PIK3C2G: variants seen among roughly 807,000 people sequenced by gnomAD.
PIK3C2G encodes phosphatidylinositol-4-phosphate 3-kinase catalytic subunit type 2 gamma.
A neutral mutation model predicts 181.1 loss-of-function variants in PIK3C2G; 168 were observed. The observed-to-expected ratio is 0.93, with a 90% CI of 0.82 to 1.05. PIK3C2G has a LOEUF of 1.05. PIK3C2G is among the 50% of genes least tolerant of loss of function. PIK3C2G has a pLI of 0.00. For missense variants in PIK3C2G, 1,869 were observed against 1,732.8 expected, an observed-to-expected ratio of 1.08 and a Z score of -1.40; for synonymous variants, 573 against 592.2, an observed-to-expected ratio of 0.97 and a Z score of 0.47.
intron 16 of PIK3C2G, among the ~76,000 whole-genome samples, chr12:18,414,523 A>G (rs922219197): frequency 1.1e-4 from 16 of 152,162 alleles, no homozygotes; most frequent in African/African-American, 2.9e-4. Context: ...CTTTTTTACT[A>G]TTTTTAAGGA....
intron 4 of PIK3C2G, among the ~76,000 whole-genome samples, chr12:18,292,226 AAATATATATATATATATAT>A (rs1949733498): frequency 1.0e-5 from 1 of 96,406 alleles, no homozygotes; most frequent in Admixed American, 1.3e-4. Context: ...AAAAAAAAAA[AAATATATATATATATATAT>A]ATATATATAT....
intron 1 of PIK3C2G, among the ~76,000 whole-genome samples, chr12:18,271,341 C>T (rs1004774894): frequency 1.3e-5 from 2 of 152,094 alleles, no homozygotes; most frequent in Non-Finnish European, 1.5e-5. Flanking sequence ...TCCCAGAGAA[C>T]TTCAAAGCCA....
At chr12:18,650,625 A>C (rs1289468971), downstream of PIK3C2G, among the ~76,000 whole-genome samples, 8 of 144,370 alleles carry the variant, frequency 5.5e-5, no homozygotes, top group African/African-American at 2.0e-4. Context: ...CTCACTTGAA[A>C]TACACGAAAT....
chr12:18,578,259 A>G, intron 29 of PIK3C2G, among the ~76,000 whole-genome samples: 1 of 152,168 alleles, frequency 6.6e-6, no homozygotes, highest in African/African-American at 2.4e-5. Flanking sequence ...CTATGTTGAT[A>G]TGCACCAGTG....
At chr12:18,350,645 C>A (rs1344668125) in intron 11 of PIK3C2G, among the ~76,000 whole-genome samples, 1 of 152,084 alleles carries the variant, frequency 6.6e-6, no homozygotes, top group African/African-American at 2.4e-5. Flanking sequence ...CTTGGCTCAT[C>A]GTATTAGCAC....
chr12:18,397,369 A>T (rs915106391), intron 15 of PIK3C2G, among the ~76,000 whole-genome samples: 1 of 152,058 alleles, frequency 6.6e-6, no homozygotes, highest in African/African-American at 2.4e-5. Flanking sequence ...TAGGCAAGCC[A>T]CATTCTGAGA....
intron 16 of PIK3C2G, among the ~76,000 whole-genome samples, chr12:18,401,579 C>G (rs1032258320): frequency 1.3e-5 from 2 of 152,088 alleles, no homozygotes; most frequent in Non-Finnish European, 2.9e-5. Context: ...CAAAATGTGA[C>G]AGTCACAACT....
chr12:18,457,526 T>C (rs952486149), intron 18 of PIK3C2G, among the ~76,000 whole-genome samples: 1 of 152,184 alleles, frequency 6.6e-6, no homozygotes, highest in African/African-American at 2.4e-5. Context: ...TTTTGGAATA[T>C]GTGTGTATGT....
chr12:18,699,655 A>T, the PIK3C2G span: 1 of 903,216 alleles, frequency 1.1e-6, no homozygotes, highest in Non-Finnish European at 1.8e-6. Flanking sequence ...GAGGTATGTA[A>T]CCCCATTCTA....
chr12:18,675,372 G>C, the PIK3C2G span, among the ~76,000 whole-genome samples: 2 of 152,144 alleles, frequency 1.3e-5, no homozygotes, highest in Admixed American at 1.3e-4. Context: ...TATACCAACA[G>C]ATCTTCACAT....
chr12:18,286,998 C>T, intron 3 of PIK3C2G, 69 bp downstream of exon 3: 2 of 637,610 alleles, frequency 3.1e-6, no homozygotes, highest in South Asian at 5.9e-5. Flanking sequence ...TTTGACATCA[C>T]TGAACTGATT....
chr12:18,423,915 G>A, intron 17 of PIK3C2G, 30 bp from the exon 18 acceptor site: 1 of 1,404,012 alleles, frequency 7.1e-7, no homozygotes, highest in Non-Finnish European at 1.0e-6. Context: ...TTGTTACTGA[G>A]AAGTAAAGTA....
chr12:18,592,817 CTT>C (rs1388534326), intron 29 of PIK3C2G, among the ~76,000 whole-genome samples: 1 of 151,884 alleles, frequency 6.6e-6, no homozygotes, highest in Non-Finnish European at 1.5e-5. Context: ...AGATGGGAAT[CTT>C]CTACAAGGTT....
chr12:18,308,819 CAT>C (rs1311067337), intron 5 of PIK3C2G, among the ~76,000 whole-genome samples: 3 of 151,554 alleles, frequency 2.0e-5, no homozygotes, highest in Non-Finnish European at 4.4e-5. Context: ...CGTAAATACA[CAT>C]AAAATATTTT....
intron 15 of PIK3C2G, among the ~76,000 whole-genome samples, chr12:18,393,123 C>A (rs979699479): frequency 6.6e-6 from 1 of 152,014 alleles, no homozygotes; most frequent in Non-Finnish European, 1.5e-5. Flanking sequence ...GAGGTCAAAA[C>A]CAACAAATAA....
intron 31 of PIK3C2G, among the ~76,000 whole-genome samples, chr12:18,615,371 ATGTG>A (rs754189397): frequency 0.32 from 31,107 of 97,128 alleles, 4,078 homozygotes; most frequent in East Asian, 0.55. Context: ...GTGTGTGTGT[ATGTG>A]TATATATATA....
intron 8 of PIK3C2G, among the ~76,000 whole-genome samples, chr12:18,338,019 A>C (rs1938711961): frequency 6.6e-6 from 1 of 152,114 alleles, no homozygotes; most frequent in Admixed American, 6.6e-5. Flanking sequence ...GGCCATCATA[A>C]CTTTTTCTTC....
chr12:18,265,707 T>C (rs1179704359), intron 1 of PIK3C2G, among the ~76,000 whole-genome samples: 1 of 151,998 alleles, frequency 6.6e-6, no homozygotes, highest in Admixed American at 6.6e-5. Context: ...TTTTTATGTG[T>C]TTCTGTTACA....
chr12:18,333,795 A>C (rs763145873), intron 8 of PIK3C2G, among the ~76,000 whole-genome samples: 2 of 152,198 alleles, frequency 1.3e-5, no homozygotes, highest in Non-Finnish European at 2.9e-5. Flanking sequence ...GTCTAATATA[A>C]ATAGAAACTC....
Sources: gnomAD v4.1 joint callset for allele counts (sites outside exome capture counted in the v4.1 genomes callset) on GRCh38, gnomAD v4.1.1 for gene constraint, MANE v1.5 for transcripts, NCBI Gene and HGNC (gene_info 2026-07-23, HGNC 2026-07-21) for gene names.